ST3GAL3: variants seen among roughly 807,000 people sequenced by gnomAD.
ST3GAL3 encodes CMP-N-acetylneuraminate-beta-1,4-galactoside alpha-2,3-sialyltransferase.
Under a neutral mutation model 50.1 loss-of-function variants are expected in ST3GAL3, and 21 were observed. That is an observed-to-expected ratio of 0.42 (90% CI 0.30 to 0.60). The LOEUF (loss-of-function observed/expected upper bound fraction) is 0.60, where lower values mean the gene tolerates loss of function less well. Among genes scored for constraint, ST3GAL3 ranks in the 20% least tolerant of loss-of-function variants. The pLI is 0.19. For missense variants in ST3GAL3, 353 were observed against 489.4 expected, an observed-to-expected ratio of 0.72 and a Z score of 2.63; for synonymous variants, 183 against 190.0, an observed-to-expected ratio of 0.96 and a Z score of 0.30.
At chr1:43,794,213 A>G (rs907732042) in intron 3 of ST3GAL3, among the ~76,000 whole-genome samples, 5 of 152,234 alleles carry the variant, frequency 3.3e-5, no homozygotes, top group African/African-American at 9.6e-5. Context: ...ACAGAAGTCA[A>G]TAGGAATAAA....
chr1:43,744,447 G>A (rs564949315), intron 2 of ST3GAL3, among the ~76,000 whole-genome samples: 227 of 151,882 alleles, frequency 1.5e-3, no homozygotes, highest in Non-Finnish European at 2.6e-3. Flanking sequence ...CACCATGTTG[G>A]CCAGGCTGGT....
At chr1:43,900,477 C>G (rs1261157719) in intron 9 of ST3GAL3, among the ~76,000 whole-genome samples, 1 of 152,084 alleles carries the variant, frequency 6.6e-6, no homozygotes, top group Non-Finnish European at 1.5e-5. Flanking sequence ...CTCTACTTCC[C>G]AGCTCTGGGC....
chr1:43,851,534 G>A, intron 5 of ST3GAL3: 2 of 1,593,090 alleles, frequency 1.3e-6, no homozygotes, highest in East Asian at 2.2e-5. Context: ...TGTTATTTAA[G>A]CAAGAGCCTA....
chr1:43,840,539 ATATTCTATTACCC>A (rs2065205862), intron 5 of ST3GAL3: 1 of 151,942 alleles, frequency 6.6e-6, no homozygotes, highest in Admixed American at 6.6e-5. Context: ...TTGCCTTGTG[ATATTCTATTACCC>A]TGTTAAGTAC....
At chr1:43,817,743 CCTT>C (rs1199610066) in intron 4 of ST3GAL3, among the ~76,000 whole-genome samples, 1 of 49,142 alleles carries the variant, frequency 2.0e-5, no homozygotes, top group African/African-American at 6.7e-5. Context: ...CCCTCCTCCT[CCTT>C]CTTCCTCCTC....
rs371387268 is a variant in ST3GAL3 at position 43,851,732 on chromosome 1, A to G, written c.302+13421A>G. On this transcript the variant is annotated intron_variant, in intron 5 of 11. Coordinates refer to ENST00000347631, the MANE Select transcript of ST3GAL3 (RefSeq NM_006279.5). ...GTGGGCCCTGTTGACTGGCATTGCT[A>G]TTGCATGGGTCCGAAGCTGCCGGAA... The G allele has an allele frequency of 2.3e-4, 252 of 1,096,688 alleles. No individual in the cohort carries two copies. In the East Asian group the frequency reaches 2.9e-3, roughly 13 times the overall value. The allele number at this position is 1,096,688 out of a possible 1,614,324, so 67.9% of individuals were successfully genotyped here.
chr1:43,763,404 A>G (rs550903905), intron 2 of ST3GAL3, among the ~76,000 whole-genome samples: 3 of 152,158 alleles, frequency 2.0e-5, no homozygotes, highest in African/African-American at 4.8e-5. Context: ...TTGTTTTTCT[A>G]TGAGTTCTAG....
At chr1:43,732,039 A>G (rs190753493) in intron 1 of ST3GAL3, among the ~76,000 whole-genome samples, 1 of 152,312 alleles carries the variant, frequency 6.6e-6, no homozygotes, top group Admixed American at 6.5e-5. Flanking sequence ...ATGGGGCCAT[A>G]TATGTACATA....
chr1:43,897,580 G>A (rs1014467519), intron 6 of ST3GAL3, among the ~76,000 whole-genome samples: 3 of 152,140 alleles, frequency 2.0e-5, no homozygotes, highest in African/African-American at 7.2e-5. Context: ...TAAATAGTGG[G>A]CACAGGTCTG....
At chr1:43,764,769 C>T (rs1408576253) in intron 2 of ST3GAL3, among the ~76,000 whole-genome samples, 2 of 152,194 alleles carry the variant, frequency 1.3e-5, no homozygotes, top group African/African-American at 2.4e-5. Flanking sequence ...GGGGCATGGC[C>T]GTGGGCCAGG....
chr1:43,794,068 A>G (rs1313266532), intron 3 of ST3GAL3, among the ~76,000 whole-genome samples: 1 of 146,544 alleles, frequency 6.8e-6, no homozygotes, highest in Non-Finnish European at 1.5e-5. Flanking sequence ...TGGGTGACAC[A>G]GTGAGACCCT....
intron 4 of ST3GAL3, among the ~76,000 whole-genome samples, chr1:43,832,426 G>A (rs1461967444): frequency 2.0e-5 from 3 of 152,152 alleles, no homozygotes; most frequent in Admixed American, 6.5e-5. Flanking sequence ...AGCATTTGTC[G>A]TAGATGGCTG....
intron 9 of ST3GAL3, among the ~76,000 whole-genome samples, chr1:43,917,323 T>C (rs1393983633): frequency 6.7e-6 from 1 of 148,602 alleles, no homozygotes; most frequent in Non-Finnish European, 1.5e-5. Flanking sequence ...TTATGTGCTT[T>C]ACCCATTTTT....
chr1:43,826,300 T>C (rs1161063101), intron 4 of ST3GAL3, among the ~76,000 whole-genome samples: 2 of 152,076 alleles, frequency 1.3e-5, no homozygotes, highest in Non-Finnish European at 2.9e-5. Context: ...TGTGAACAAC[T>C]CTGTACTCAC....
chr1:43,907,775 C>T (rs1445708858), intron 9 of ST3GAL3, among the ~76,000 whole-genome samples: 1 of 152,168 alleles, frequency 6.6e-6, no homozygotes, highest in Non-Finnish European at 1.5e-5. Flanking sequence ...GCCGGGTCCT[C>T]CTCTCACATC....
intron 1 of ST3GAL3, chr1:43,727,309 A>G (rs540896542): frequency 1.3e-5 from 2 of 151,550 alleles, no homozygotes; most frequent in African/African-American, 4.8e-5. Context: ...TTTTTAAGCA[A>G]TTGTTTATTA....
intron 3 of ST3GAL3, among the ~76,000 whole-genome samples, chr1:43,813,275 C>G (rs1217286222): frequency 6.6e-6 from 1 of 152,200 alleles, no homozygotes; most frequent in Admixed American, 6.5e-5. Flanking sequence ...GAAAAAGTAA[C>G]AGGTATTTGG....
intron 5 of ST3GAL3, among the ~76,000 whole-genome samples, chr1:43,857,580 C>CTTCCTTCCTTCCTTCCT (rs1228925970): frequency 1.2e-5 from 1 of 86,270 alleles, no homozygotes; most frequent in Non-Finnish European, 2.3e-5. Context: ...TCTTTCCTTC[C>CTTCCTTCCTTCCTTCCT]TCCCTCCCTT....
At chr1:43,764,440 C>G (rs1190444941) in intron 2 of ST3GAL3, among the ~76,000 whole-genome samples, 1 of 151,804 alleles carries the variant, frequency 6.6e-6, no homozygotes, top group Non-Finnish European at 1.5e-5. Context: ...GGATATAGTA[C>G]CTGTCTCAGG....
Sources: allele counts gnomAD v4.1 joint callset (sites outside exome capture counted in the v4.1 genomes callset), GRCh38; gene constraint gnomAD v4.1.1; transcripts MANE v1.5; gene names NCBI Gene and HGNC (gene_info 2026-07-23, HGNC 2026-07-21).